The following TRERF1 variants were observed in gnomAD, a reference collection of about 807,000 sequenced individuals.
TRERF1 encodes transcriptional-regulating factor 1.
In TRERF1, 27 loss-of-function variants were observed where a neutral mutation model predicts 122.9. The observed-to-expected ratio is 0.22, with a 90% CI of 0.16 to 0.30. TRERF1 has a LOEUF of 0.30. Among genes scored for constraint, TRERF1 ranks in the 10% least tolerant of loss-of-function variants. TRERF1 has a pLI of 1.00. For missense variants in TRERF1, 1,248 were observed against 1,560.3 expected (o/e 0.80, Z 3.37); for synonymous variants, 636 against 641.7 (o/e 0.99, Z 0.13).
At chr6:42,389,288 T>C (rs1461236345) in intron 2 of TRERF1, among the ~76,000 whole-genome samples, 1 of 152,158 alleles carries the variant, frequency 6.6e-6, no homozygotes. Context: ...GGATTCCGGG[T>C]CAGGATGTGC....
chr6:42,373,339 C>G (rs1323895647), intron 2 of TRERF1, among the ~76,000 whole-genome samples: 1 of 151,802 alleles, frequency 6.6e-6, no homozygotes, highest in African/African-American at 2.4e-5. Context: ...TCAAGACCAG[C>G]CTGACCAACA....
In TRERF1 at chr6:42,275,450, C is replaced by T. The variant is rs1157697335; in HGVS notation, c.-258-5602G>A. On this transcript the variant is annotated intron_variant, in intron 4 of 17. Coordinates refer to ENST00000372922, the Ensembl canonical transcript of TRERF1. This position sits in a 1 kb window ranked among gnomAD's most constrained non-coding sequence, Gnocchi z 4.1. The stretch of plus-strand genomic sequence containing the variant: ...CTCCACGCTCCCACAGAGCCTGTGA[C>T]CGCTTTTCCTCTGCACTGACCATGT... 1.3e-5 allele frequency among the ~76,000 whole-genome samples: 2 copies of T among 152,260 alleles called. No homozygotes were observed. Among genetic ancestry groups the T allele is most frequent in the Non-Finnish European group, 2.9e-5 (2 of 68,052 alleles).
At chr6:42,376,515 T>G (rs988510485) in intron 2 of TRERF1, among the ~76,000 whole-genome samples, 1 of 150,756 alleles carries the variant, frequency 6.6e-6, no homozygotes, top group Non-Finnish European at 1.5e-5. Context: ...TGTTGAAACC[T>G]TCATGACTTT....
rs543333472 is a variant in TRERF1, at chr6:42,429,192, G to C, written c.-454+21985C>G. Among the ~76,000 whole-genome samples, 498 of 152,312 alleles carry C rather than the reference G, an allele frequency of 3.3e-3. 2 individuals are homozygous for C. The highest frequency in any genetic ancestry group is 6.0e-3 in the Non-Finnish European group (408 of 68,028). On this transcript the variant is annotated intron_variant, in intron 2 of 17. Coordinates refer to ENST00000372922, the Ensembl canonical transcript of TRERF1. ...TTCCTCCAGCTGAGCCATGCAAAATGCACCTCACTTCTCTCTCCTTTCCTC... is the reference window on the plus strand; with the variant it reads ...TTCCTCCAGCTGAGCCATGCAAAATCCACCTCACTTCTCTCTCCTTTCCTC...
chr6:42,440,989 T>C (rs1233473052), intron 2 of TRERF1, among the ~76,000 whole-genome samples: 1 of 152,168 alleles, frequency 6.6e-6, no homozygotes, highest in Non-Finnish European at 1.5e-5. Flanking sequence ...ACCACAATAA[T>C]GATTTCCCGG....
chr6:42,348,487 A>C (rs547698676), intron 3 of TRERF1, among the ~76,000 whole-genome samples: 1 of 152,238 alleles, frequency 6.6e-6, no homozygotes, highest in African/African-American at 2.4e-5. Context: ...TCCTGACCTC[A>C]GGTGATCCAC....
rs1471854858 is a variant in TRERF1 at position 42,275,289 on chromosome 6, G to A, written c.-258-5441C>T. 6.6e-6 allele frequency among the ~76,000 whole-genome samples: 1 copy of A among 152,198 alleles called. No homozygotes were observed. Among genetic ancestry groups the A allele is most frequent in the Non-Finnish European group, 1.5e-5 (1 of 68,036 alleles). ...ATTTCTACTGGGTAATTTGTACCAG[G>A]AGCTTTTTCATTCATGAACTAATTA... On this transcript the variant is annotated intron_variant, in intron 4 of 17. Transcript: ENST00000372922. The surrounding 1 kb of genome is among the most constrained non-coding windows in gnomAD (Gnocchi z 4.1).
chr6:42,403,932 C>CG (rs1779796842), intron 2 of TRERF1, among the ~76,000 whole-genome samples: 1 of 146,976 alleles, frequency 6.8e-6, no homozygotes, highest in African/African-American at 2.7e-5. Context: ...TTCCATGAGA[C>CG]CCCCCCCAGG....
chr6:42,263,402 C>T lies in TRERF1; in HGVS notation c.1802G>A (p.Gly601Glu), dbSNP rs780489225. ...GGCGGCAACGGTGCTGTTGGTGAAC[C>T]CCTGAGAGCTGGGCTTGGGCGGGAG... The change falls in exon 8 of 18, where the codon GGG becomes GAG. Residue 601 changes from glycine (G) to glutamate (E), a missense_variant. Physicochemically the swap from Gly to Glu is moderately conservative, Grantham distance 98 (BLOSUM62 -2). This residue lies in a region of TRERF1 where 946 missense variants were observed against 1,073.0 expected (regional missense o/e 0.88). Transcript: ENST00000372922. The surrounding 1 kb of genome is among the most constrained non-coding windows in gnomAD (Gnocchi z 5.6). 1.9e-6 allele frequency: 3 copies of T among 1,612,228 alleles called. No homozygotes were observed. In the African/African-American group the frequency reaches 4.0e-5, roughly 22 times the overall value.
chr6:42,398,509 G>A (rs189712230), intron 2 of TRERF1, among the ~76,000 whole-genome samples: 2 of 152,108 alleles, frequency 1.3e-5, no homozygotes, highest in Admixed American at 6.5e-5. Context: ...TTAACCCCCC[G>A]CTTCCACTAC....
intron 2 of TRERF1, among the ~76,000 whole-genome samples, chr6:42,437,683 A>T (rs1785705721): frequency 6.6e-6 from 1 of 152,152 alleles, no homozygotes; most frequent in South Asian, 2.1e-4. Context: ...GGGGGAAAAG[A>T]ACCTGCTTTT....
intron 3 of TRERF1, among the ~76,000 whole-genome samples, chr6:42,343,493 T>C (rs985884627): frequency 1.3e-5 from 2 of 152,134 alleles, no homozygotes; most frequent in Admixed American, 1.3e-4. Context: ...AAGGTATACC[T>C]GGTGTCGCGC....
intron 2 of TRERF1, among the ~76,000 whole-genome samples, chr6:42,444,155 A>G (rs1787043910): frequency 7.1e-6 from 1 of 141,392 alleles, no homozygotes; most frequent in Non-Finnish European, 1.5e-5. Flanking sequence ...GTGAAAGACA[A>G]CCTAAACAAC....
chr6:42,310,536 G>C (rs1422772209), intron 3 of TRERF1, among the ~76,000 whole-genome samples: 1 of 152,216 alleles, frequency 6.6e-6, no homozygotes, highest in Non-Finnish European at 1.5e-5. Flanking sequence ...ATTGTTGGTT[G>C]TCACAGTTGG....
intron 10 of TRERF1, 56 bp from the exon 11 acceptor site, chr6:42,257,158 C>T: frequency 6.3e-7 from 1 of 1,594,234 alleles, no homozygotes; most frequent in Admixed American, 1.8e-5. Flanking sequence ...TGGCTCAGGC[C>T]AAGGGCAACT....
At chr6:42,349,801 C>A (rs1026817260) in intron 3 of TRERF1, among the ~76,000 whole-genome samples, 3 of 151,990 alleles carry the variant, frequency 2.0e-5, no homozygotes, top group Admixed American at 2.0e-4. Context: ...TCATGGTAAC[C>A]GCCGAAGAGC....
intron 2 of TRERF1, among the ~76,000 whole-genome samples, chr6:42,426,626 G>T (rs1203601354): frequency 1.3e-5 from 2 of 152,200 alleles, no homozygotes; most frequent in African/African-American, 4.8e-5. Flanking sequence ...GAAGCCGTCA[G>T]ACCAGGGATC....
At chr6:42,230,746 C>T (rs557783715) in intron 17 of TRERF1, among the ~76,000 whole-genome samples, 43 of 152,258 alleles carry the variant, frequency 2.8e-4, no homozygotes, top group African/African-American at 9.9e-4. Context: ...AGACCCACAC[C>T]GAATCCCATC....
At chr6:42,387,850 T>C (rs1371693450) in intron 2 of TRERF1, among the ~76,000 whole-genome samples, 10 of 149,724 alleles carry the variant, frequency 6.7e-5, no homozygotes, top group Non-Finnish European at 1.2e-4. Context: ...CTCTGTCGTA[T>C]AGGCAAGAGT....
Sources: allele counts gnomAD v4.1 joint callset (sites outside exome capture counted in the v4.1 genomes callset), GRCh38; gene constraint gnomAD v4.1.1; regional missense constraint gnomAD v4.1.1; non-coding constraint Gnocchi (gnomAD v3.1); transcripts MANE v1.5; gene names NCBI Gene and HGNC (gene_info 2026-07-23, HGNC 2026-07-21).